Variants in IGF2R observed in about 807,000 individuals in gnomAD.
IGF2R encodes the protein cation-independent mannose-6-phosphate receptor.
A neutral mutation model predicts 270.6 loss-of-function variants in IGF2R; 91 were observed. That is an observed-to-expected ratio of 0.34 (90% CI 0.28 to 0.40). The LOEUF (loss-of-function observed/expected upper bound fraction) is 0.40, where lower values mean the gene tolerates loss of function less well. Among genes scored for constraint, IGF2R ranks in the 10% least tolerant of loss-of-function variants. The pLI, the probability that IGF2R is intolerant of heterozygous loss-of-function variation, is 1.00. For missense variants in IGF2R, 2,805 were observed against 3,188.3 expected (o/e 0.88, Z 2.90); for synonymous variants, 1,316 against 1,258.9 (o/e 1.05, Z -0.96).
rs1485486521 is a variant in IGF2R at position 159,981,047 on chromosome 6, T to A, written c.150-10137T>A. Among the ~76,000 whole-genome samples the A allele has an allele frequency of 3.3e-5, 5 of 152,320 alleles. No individual in the cohort carries two copies. In the East Asian group the frequency reaches 5.8e-4, roughly 18 times the overall value. On this transcript the variant is annotated intron_variant, in intron 1 of 47. Coordinates refer to ENST00000356956, the MANE Select transcript of IGF2R (RefSeq NM_000876.4). Reference sequence around the variant, plus strand: ...GGATAGCAGAGAGGACCAGCCATTTTTGTGGTAGCTTTCTGTTGTGGAGGG... The same window carrying A: ...GGATAGCAGAGAGGACCAGCCATTTATGTGGTAGCTTTCTGTTGTGGAGGG...
intron 11 of IGF2R, among the ~76,000 whole-genome samples, chr6:160,042,412 C>A (rs537854629): frequency 1.3e-5 from 2 of 152,322 alleles, no homozygotes; most frequent in South Asian, 4.1e-4. Flanking sequence ...CAAATGAGAA[C>A]GTGTATTTTT....
chr6:160,101,807 C>G (rs1779490812), intron 45 of IGF2R, among the ~76,000 whole-genome samples: 1 of 152,222 alleles, frequency 6.6e-6, no homozygotes, highest in Non-Finnish European at 1.5e-5. Flanking sequence ...ATTATTGTCC[C>G]AACTCTGCTT....
At chr6:159,974,446 A>AT in intron 1 of IGF2R, among the ~76,000 whole-genome samples, 1 of 152,176 alleles carries the variant, frequency 6.6e-6, no homozygotes, top group South Asian at 2.1e-4. Context: ...TCTTTCTTAG[A>AT]TATGTGTGAG....
rs371630424 is a variant in IGF2R, at chr6:160,032,088, A to G, written c.883-463A>G. Among the ~76,000 whole-genome samples, 43 of 152,294 alleles carry G rather than the reference A, an allele frequency of 2.8e-4. 1 individual carries two copies. The East Asian group carries it at 7.1e-3, about 25-fold the overall frequency. On this transcript the variant is annotated intron_variant, in intron 7 of 47. Transcript: ENST00000356956. ...TTGTGGACCGTGTCTCTGGTTGTGCACGCATGTGATAATGTTCACTCAGTG... is the reference window on the plus strand; with the variant it reads ...TTGTGGACCGTGTCTCTGGTTGTGCGCGCATGTGATAATGTTCACTCAGTG...
At position 160,034,426 on chromosome 6, in the gene IGF2R, G is replaced by C. The variant is rs1473324173; in HGVS notation, c.1219G>C (p.Asp407His). 1.9e-6 allele frequency: 3 copies of C among 1,595,478 alleles called. No individual in the cohort carries two copies. The highest frequency in any genetic ancestry group is 1.7e-4 in the Middle Eastern group (1 of 6,010). The change falls in exon 10 of 48, where the codon GAT (aspartate) becomes CAT (histidine). Residue 407 changes from aspartate (D) to histidine (H), a missense_variant. Physicochemically the swap from Asp to His is moderately conservative, Grantham distance 81. This residue lies in a region of IGF2R where 954 missense variants were observed against 981.1 expected (regional missense o/e 0.97). Transcript: ENST00000356956. ...GTATTCACAAAAATCTAGATATTCG[G>C]ATGGAGACCTCACCTTGATATATTT... ...RYHNQTLRYS[D>H]GDLTLIYFGG...
At chr6:160,073,076 G>A in intron 33 of IGF2R, 137 bp from the exon 34 acceptor site, 1 of 1,385,778 alleles carries the variant, frequency 7.2e-7, no homozygotes, top group Non-Finnish European at 9.9e-7. Context: ...GTAAAACAAT[G>A]GTTAAAGCCG....
At chr6:160,042,174 CCATT>C (rs1254895401) in intron 11 of IGF2R, among the ~76,000 whole-genome samples, 2 of 152,154 alleles carry the variant, frequency 1.3e-5, no homozygotes. Flanking sequence ...AGAGCTAAAA[CCATT>C]CCTTACTGCT....
At chr6:159,985,715 C>T (rs139459898) in intron 1 of IGF2R, among the ~76,000 whole-genome samples, 11 of 152,236 alleles carry the variant, frequency 7.2e-5, no homozygotes, top group South Asian at 2.1e-4. Flanking sequence ...TGGATTCAGC[C>T]GGGGAGCACT....
chr6:160,000,436 A>G (rs1784110306), intron 2 of IGF2R, among the ~76,000 whole-genome samples: 1 of 152,114 alleles, frequency 6.6e-6, no homozygotes, highest in Admixed American at 6.6e-5. Context: ...ACCATTGGAA[A>G]CCAGCCCCGT....
chr6:160,000,513 G>A (rs1246419665), intron 2 of IGF2R, among the ~76,000 whole-genome samples: 1 of 152,136 alleles, frequency 6.6e-6, no homozygotes, highest in Non-Finnish European at 1.5e-5. Flanking sequence ...TGAGATTTGG[G>A]TGGCGAGACA....
At chr6:160,068,697 C>T (rs2115270417) in intron 30 of IGF2R, among the ~76,000 whole-genome samples, 1 of 152,080 alleles carries the variant, frequency 6.6e-6, no homozygotes, top group Non-Finnish European at 1.5e-5. Flanking sequence ...TGAGAGAGGG[C>T]CTCCTCGTGG....
Position 160,071,951 on chromosome 6 carries a change from G to A in IGF2R, c.4485G>A (p.Glu1495=), listed in dbSNP as rs1281284484. 6.2e-7 allele frequency: 1 copy of A among 1,614,202 alleles called. No individual in the cohort carries two copies. Residue 1495 remains glutamate (E), a synonymous_variant, in exon 32 of 48, where the codon GAG becomes GAA. Coordinates refer to ENST00000356956, the MANE Select transcript of IGF2R (RefSeq NM_000876.4). ...TCATCAGCGCCGTGGAGGACTGTGA[G>A]TACACCTTTGCCTGGCCCACAGCCA... is the stretch of plus-strand genomic sequence containing the variant. ...PMFISAVEDC[E]YTFAWPTATA...
At chr6:159,974,437 C>A (rs1783658297) in intron 1 of IGF2R, among the ~76,000 whole-genome samples, 1 of 152,102 alleles carries the variant, frequency 6.6e-6, no homozygotes, top group South Asian at 2.1e-4. Flanking sequence ...GGTACAAGTT[C>A]TTTCTTAGAT....
chr6:160,100,681 T>A lies in IGF2R; in HGVS notation c.6843-1838T>A, dbSNP rs1032468721. Among the ~76,000 whole-genome samples the A allele has an allele frequency of 4.2e-5, 6 of 143,952 alleles. No individual in the cohort carries two copies. In the South Asian group the frequency reaches 1.3e-3, roughly 32 times the overall value. 94.4% of individuals were successfully genotyped at this position (143,952 alleles called of 152,430 possible). ...AGCTTACATCAAACACTTAGAAAAC[T>A]TTAGCAAAAATTAACCACAAAGCAG... On this transcript the variant is annotated intron_variant, in intron 45 of 47. Transcript: ENST00000356956.
chr6:160,060,723 G>A lies in IGF2R; in HGVS notation c.3262+6G>A. 1 of 1,614,062 alleles carries A rather than the reference G, an allele frequency of 6.2e-7. No homozygotes were observed. Among genetic ancestry groups the A allele is most frequent in the South Asian group, 1.1e-5 (1 of 91,092 alleles). On this transcript the variant is annotated splice_donor_region_variant and intron_variant, in intron 23 of 47. Transcript: ENST00000356956. ...AGTGGACTGCCAAGTCACCGGTAAG[G>A]CCGTGCGGCCTAAGAACTGAGAGGC...
intron 2 of IGF2R, among the ~76,000 whole-genome samples, chr6:159,991,798 A>G (rs1783983690): frequency 6.6e-6 from 1 of 152,234 alleles, no homozygotes; most frequent in Non-Finnish European, 1.5e-5. Flanking sequence ...GGTTAAATAA[A>G]TAGTCCTGAG....
intron 2 of IGF2R, 91 bp downstream of exon 2, chr6:159,991,414 A>C (rs1783978103): frequency 9.3e-7 from 1 of 1,078,894 alleles, no homozygotes; most frequent in Non-Finnish European, 1.3e-6. Flanking sequence ...ATATAGCGAT[A>C]CAAAAATTTT....
At chr6:159,990,711 C>T (rs1783964357) in intron 1 of IGF2R, among the ~76,000 whole-genome samples, 1 of 152,072 alleles carries the variant, frequency 6.6e-6, no homozygotes, top group Admixed American at 6.6e-5. Flanking sequence ...CTCACTGCAA[C>T]CTCCGTCTCC....
In IGF2R at chr6:160,110,622, A is replaced by C. The variant is rs1779721943; in HGVS notation, c.*5538A>C. On this transcript the variant is annotated 3_prime_UTR_variant, in exon 48 of 48. Transcript: ENST00000356956. Reference sequence around the variant, plus strand: ...GAAGAGATCTCTGCAGCCCCTGTTCATTGCAGCATTATTCACAATAGCCAA... The same window carrying C: ...GAAGAGATCTCTGCAGCCCCTGTTCCTTGCAGCATTATTCACAATAGCCAA... The C allele has an allele frequency of 6.6e-6, 1 of 152,264 alleles. No homozygotes were observed. The allele number at this position is 152,264 out of a possible 1,614,324, so 9.4% of individuals were successfully genotyped here. A position where few individuals can be genotyped will look rare whatever the true frequency, so the allele number is the denominator to read the frequency against.
Sources: allele counts gnomAD v4.1 joint callset (sites outside exome capture counted in the v4.1 genomes callset), GRCh38; gene constraint gnomAD v4.1.1; regional missense constraint gnomAD v4.1.1; transcripts MANE v1.5; gene names NCBI Gene and HGNC (gene_info 2026-07-23, HGNC 2026-07-21).